SRGAP1: variants seen among roughly 807,000 people sequenced by gnomAD.
The protein encoded by SRGAP1 is SLIT-ROBO Rho GTPase activating protein 1.
In SRGAP1, 43 loss-of-function variants were observed where a neutral mutation model predicts 121.9. That is an observed-to-expected ratio of 0.35 (90% CI 0.28 to 0.46). SRGAP1 has a LOEUF of 0.46. Among genes scored for constraint, SRGAP1 ranks in the 20% least tolerant of loss-of-function variants. The pLI, the probability that SRGAP1 is intolerant of heterozygous loss-of-function variation, is 1.00. For missense variants in SRGAP1, 1,102 were observed against 1,350.9 expected (o/e 0.82, Z 2.89); for synonymous variants, 447 against 485.4 (o/e 0.92, Z 1.04).
At chr12:63,978,634 G>A (rs1430355137) in intron 1 of SRGAP1, among the ~76,000 whole-genome samples, 1 of 152,096 alleles carries the variant, frequency 6.6e-6, no homozygotes, top group Non-Finnish European at 1.5e-5. Context: ...TCACCTTTCA[G>A]CTATTATGAG....
At chr12:64,089,911 G>A (rs887443170) in intron 11 of SRGAP1, among the ~76,000 whole-genome samples, 1 of 152,154 alleles carries the variant, frequency 6.6e-6, no homozygotes, top group African/African-American at 2.4e-5. Flanking sequence ...AGGCTTCCAC[G>A]TAACTTCTTG....
chr12:63,976,235 C>A (rs2033089992), intron 1 of SRGAP1, among the ~76,000 whole-genome samples: 1 of 152,214 alleles, frequency 6.6e-6, no homozygotes, highest in Admixed American at 6.5e-5. Context: ...GACTCCTTAG[C>A]ATGCCACATG....
chr12:63,862,908 T>A (rs1436631121), intron 1 of SRGAP1, among the ~76,000 whole-genome samples: 1 of 152,184 alleles, frequency 6.6e-6, no homozygotes, highest in Non-Finnish European at 1.5e-5. Context: ...ATTTGATCAT[T>A]GCTGCAGGAC....
chr12:63,868,397 A>G (rs767086957), intron 1 of SRGAP1, among the ~76,000 whole-genome samples: 5 of 151,498 alleles, frequency 3.3e-5, no homozygotes, highest in Non-Finnish European at 7.4e-5. Context: ...ATATATTTTT[A>G]CAGGGTTTTG....
In SRGAP1 at chr12:64,142,408, C is replaced by G. The variant is rs1259343960; in HGVS notation, c.2994C>G (p.Asn998Lys). The G allele has an allele frequency of 6.2e-6, 10 of 1,614,084 alleles. No homozygotes were observed. The highest frequency in any genetic ancestry group is 8.5e-6 in the Non-Finnish European group (10 of 1,180,030). Residue 998 changes from asparagine (N) to lysine (K), a missense_variant, in exon 22 of 22, where the codon AAC becomes AAG. Physicochemically the swap from Asn to Lys is moderately conservative, Grantham distance 94 (BLOSUM62 0). This residue lies in a region of SRGAP1 where 315 missense variants were observed against 343.1 expected (regional missense o/e 0.92). Coordinates refer to ENST00000355086, the MANE Select transcript of SRGAP1 (RefSeq NM_020762.4). ...VVLDTLEQVK[N>K]SPTPATSTES... Reference sequence around the variant, plus strand: ...TGGATACCCTGGAGCAAGTGAAAAACTCTCCCACCCCTGCCACTTCCACGG... The same window carrying G: ...TGGATACCCTGGAGCAAGTGAAAAAGTCTCCCACCCCTGCCACTTCCACGG...
chr12:64,019,199 A>C (rs1390433488), intron 4 of SRGAP1, among the ~76,000 whole-genome samples: 1 of 152,206 alleles, frequency 6.6e-6, no homozygotes, highest in Non-Finnish European at 1.5e-5. Context: ...TATCTCAGTG[A>C]GAGATATATA....
At position 64,156,944 on chromosome 12, in the gene SRGAP1, T is replaced by G. The variant is rs2037168328; in HGVS notation, c.*14272T>G. The stretch of plus-strand genomic sequence containing the variant: ...ATAAAATTATCTGACCTGAGAGACC[T>G]TAACAGCTAGGCCTGCACTGCTCAT... On this transcript the variant is annotated 3_prime_UTR_variant, in exon 22 of 22. Coordinates refer to ENST00000355086, the MANE Select transcript of SRGAP1 (RefSeq NM_020762.4). 6.6e-6 allele frequency: 1 copy of G among 152,094 alleles called. No individual in the cohort carries two copies. Among genetic ancestry groups the G allele is most frequent in the Non-Finnish European group, 1.5e-5 (1 of 68,030 alleles). 9.4% of individuals were successfully genotyped at this position (152,094 alleles called of 1,614,324 possible).
chr12:64,042,201 T>TTTTTG (rs1007912798), intron 4 of SRGAP1, among the ~76,000 whole-genome samples: 1 of 152,046 alleles, frequency 6.6e-6, no homozygotes, highest in East Asian at 1.9e-4. Flanking sequence ...CCGGCCTATT[T>TTTTTG]TTTTGTTTTG....
chr12:63,961,270 G>A lies in SRGAP1; in HGVS notation c.68-22677G>A, dbSNP rs1300528720. Among the ~76,000 whole-genome samples, 5 of 152,170 alleles carry A rather than the reference G, an allele frequency of 3.3e-5. No homozygotes were observed. In the East Asian group the frequency reaches 9.6e-4, roughly 29 times the overall value. ...TAAAACATGTCCATAGTTGCAGCAC[G>A]CTCCATTGGACAGCATGCTTAGGAC... On this transcript the variant is annotated intron_variant, in intron 1 of 21. Transcript: ENST00000355086.
intron 6 of SRGAP1, among the ~76,000 whole-genome samples, chr12:64,044,156 A>G (rs958592279): frequency 6.6e-6 from 1 of 152,212 alleles, no homozygotes; most frequent in African/African-American, 2.4e-5. Context: ...AGGTTTATTT[A>G]GAGCTCTCCT....
Position 63,915,669 on chromosome 12 carries a change from C to T in SRGAP1, c.68-68278C>T, listed in dbSNP as rs554422814. Among the ~76,000 whole-genome samples the T allele has an allele frequency of 6.6e-5, 10 of 152,276 alleles. No homozygotes were observed. In the South Asian group the frequency reaches 1.7e-3, roughly 25 times the overall value. ...AAAACGCTGAGGTCACACAGGCGTC[C>T]AGAGAAATTCCTTATTGATTAACAA... is the stretch of plus-strand genomic sequence containing the variant. On this transcript the variant is annotated intron_variant, in intron 1 of 21. Transcript: ENST00000355086.
At chr12:63,910,575 G>A (rs768899500) in intron 1 of SRGAP1, among the ~76,000 whole-genome samples, 40 of 152,100 alleles carry the variant, frequency 2.6e-4, no homozygotes, top group Non-Finnish European at 4.7e-4. Flanking sequence ...AGTAATACTA[G>A]GTGTTTTGAA....
intron 4 of SRGAP1, among the ~76,000 whole-genome samples, chr12:64,025,907 C>T (rs1053780079): frequency 2.0e-5 from 3 of 152,166 alleles, no homozygotes; most frequent in African/African-American, 7.2e-5. Flanking sequence ...ATGACCAATT[C>T]AAGGATCTCT....
chr12:63,993,514 GAGA>G (rs1027536137), intron 3 of SRGAP1, among the ~76,000 whole-genome samples: 30 of 152,188 alleles, frequency 2.0e-4, no homozygotes, highest in African/African-American at 6.8e-4. Context: ...TTTCCTTGGG[GAGA>G]AGATTTTGAG....
At chr12:63,990,124 A>G (rs982428908) in intron 3 of SRGAP1, 52 bp downstream of exon 3, 4 of 1,441,158 alleles carry the variant, frequency 2.8e-6, no homozygotes, top group Admixed American at 4.2e-5. Context: ...TGCCTTGTCT[A>G]TAACCAGGAC....
At position 64,111,990 on chromosome 12, in the gene SRGAP1, A is replaced by T. The variant is rs2036437323; in HGVS notation, c.2144+4A>T. ...GTATGGCTGGAGATGACTATTGGTAAGTCTAAGAATTTTAGTCCTCCTCTC... is the reference window on the plus strand; with the variant it reads ...GTATGGCTGGAGATGACTATTGGTATGTCTAAGAATTTTAGTCCTCCTCTC... On this transcript the variant is annotated splice_donor_region_variant and intron_variant, in intron 17 of 21. Coordinates refer to ENST00000355086, the MANE Select transcript of SRGAP1 (RefSeq NM_020762.4). 2 of 1,608,718 alleles carry T rather than the reference A, an allele frequency of 1.2e-6. No individual in the cohort carries two copies. The highest frequency in any genetic ancestry group is 1.7e-5 in the Admixed American group (1 of 59,830).
At chr12:64,113,190 T>C (rs543422120) in intron 17 of SRGAP1, among the ~76,000 whole-genome samples, 1 of 151,846 alleles carries the variant, frequency 6.6e-6, no homozygotes, top group Non-Finnish European at 1.5e-5. Flanking sequence ...GGCAGATCAC[T>C]TGAGGTCAGG....
chr12:64,071,199 A>ACTT (rs796483526), intron 8 of SRGAP1, among the ~76,000 whole-genome samples: 2 of 152,310 alleles, frequency 1.3e-5, no homozygotes, highest in African/African-American at 4.8e-5. Flanking sequence ...GCTTTAACTC[A>ACTT]CTGAAGGGAG....
At chr12:63,966,087 T>C (rs1212033348) in intron 1 of SRGAP1, among the ~76,000 whole-genome samples, 1 of 152,224 alleles carries the variant, frequency 6.6e-6, no homozygotes, top group African/African-American at 2.4e-5. Flanking sequence ...CCCAAAGTGC[T>C]GGGATTACAG....
Sources: allele counts gnomAD v4.1 joint callset (sites outside exome capture counted in the v4.1 genomes callset), GRCh38; gene constraint gnomAD v4.1.1; regional missense constraint gnomAD v4.1.1; transcripts MANE v1.5; gene names NCBI Gene and HGNC (gene_info 2026-07-23, HGNC 2026-07-21).